The following KIF26B variants were observed in gnomAD, a reference collection of about 807,000 sequenced individuals.
KIF26B encodes kinesin family member 26B.
Under a neutral mutation model 151.2 loss-of-function variants are expected in KIF26B, and 63 were observed. That is an observed-to-expected ratio of 0.42 (90% CI 0.34 to 0.51). The LOEUF (loss-of-function observed/expected upper bound fraction) is 0.51, where lower values mean the gene tolerates loss of function less well. Ranked by LOEUF, KIF26B falls within the 20% of genes least tolerant of loss-of-function variation. KIF26B has a pLI of 0.07. For synonymous variants in KIF26B, 1,357 were observed against 1,262.1 expected (o/e 1.08, Z -1.59); for missense variants, 2,813 against 2,913.6 (o/e 0.97, Z 0.79).
intron 10 of KIF26B, among the ~76,000 whole-genome samples, chr1:245,672,630 C>T (rs1486937326): frequency 1.3e-5 from 2 of 152,130 alleles, no homozygotes; most frequent in African/African-American, 2.4e-5. Context: ...AATACAAATG[C>T]AACAGCTGCT....
At chr1:245,669,412 G>A (rs1558260874) in intron 10 of KIF26B, among the ~76,000 whole-genome samples, 3 of 152,154 alleles carry the variant, frequency 2.0e-5, no homozygotes, top group African/African-American at 7.2e-5. Flanking sequence ...TATAGAATGG[G>A]AGAAAATATT....
chr1:245,410,479 C>T (rs568182093), intron 3 of KIF26B, among the ~76,000 whole-genome samples: 89 of 152,280 alleles, frequency 5.8e-4, no homozygotes, highest in Non-Finnish European at 1.1e-3. Context: ...GACAGGGTCT[C>T]GCTCTGTCAC....
At chr1:245,285,979 C>G (rs1174249772) in intron 2 of KIF26B, among the ~76,000 whole-genome samples, 1 of 126,616 alleles carries the variant, frequency 7.9e-6, no homozygotes, top group African/African-American at 3.1e-5. Context: ...GCCTGGATGA[C>G]AGAGCAAGAC....
At chr1:245,511,041 A>G (rs1267556994) in intron 4 of KIF26B, 2 of 711,716 alleles carry the variant, frequency 2.8e-6, no homozygotes, top group African/African-American at 1.8e-5. Flanking sequence ...CATTTGAGAG[A>G]AGCTATTTAT....
At chr1:245,607,275 G>C (rs1035147192) in intron 6 of KIF26B, among the ~76,000 whole-genome samples, 9 of 152,108 alleles carry the variant, frequency 5.9e-5, no homozygotes, top group African/African-American at 2.2e-4. Context: ...TGTGTCAGCA[G>C]AGGGTGAGTG....
chr1:245,683,008 G>A (rs768217137), intron 10 of KIF26B, among the ~76,000 whole-genome samples: 1 of 152,148 alleles, frequency 6.6e-6, no homozygotes, highest in Non-Finnish European at 1.5e-5. Context: ...CATTGCTCTG[G>A]AAGTGAGCTT....
chr1:245,306,846 G>T (rs1363834022), intron 2 of KIF26B, among the ~76,000 whole-genome samples: 1 of 152,114 alleles, frequency 6.6e-6, no homozygotes, highest in African/African-American at 2.4e-5. Context: ...TTTAAGGCCG[G>T]GATGTCGGCT....
chr1:245,623,585 G>A (rs1326337525), intron 9 of KIF26B, among the ~76,000 whole-genome samples: 1 of 152,132 alleles, frequency 6.6e-6, no homozygotes. Context: ...AATCCGAGAT[G>A]CTCCAAATCT....
rs948165920 is a variant in KIF26B, at chr1:245,170,821, A to G, written c.465+14138A>G. Among the ~76,000 whole-genome samples the G allele has an allele frequency of 6.6e-6, 1 of 152,140 alleles. No individual in the cohort carries two copies. The highest frequency in any genetic ancestry group is 2.4e-5 in the African/African-American group (1 of 41,428). On this transcript the variant is annotated intron_variant, in intron 2 of 14. Coordinates refer to ENST00000407071, the MANE Select transcript of KIF26B (RefSeq NM_018012.4). This position sits in a 1 kb window ranked among gnomAD's most constrained non-coding sequence, Gnocchi z 4.4. ...TAGGTTTCAACATGATTTTGGGGAG[A>G]ACATAAGCGTTCAGTCTGTTGCAGC... is the stretch of plus-strand genomic sequence containing the variant.
At chr1:245,607,826 C>A in intron 7 of KIF26B, 82 bp downstream of exon 7, 13 of 1,092,600 alleles carry the variant, frequency 1.2e-5, no homozygotes, top group Non-Finnish European at 1.7e-5. Flanking sequence ...TCCCAGAGTT[C>A]TCTGATGACA....
At chr1:245,312,463 G>A (rs762101944) in intron 2 of KIF26B, among the ~76,000 whole-genome samples, 8 of 152,042 alleles carry the variant, frequency 5.3e-5, no homozygotes, top group Non-Finnish European at 1.0e-4. Context: ...GTGTGTATGC[G>A]AGAGGAGGGG....
chr1:245,243,744 G>A (rs903052151), intron 2 of KIF26B, among the ~76,000 whole-genome samples: 6 of 152,076 alleles, frequency 3.9e-5, no homozygotes, highest in East Asian at 1.9e-4. Flanking sequence ...CCAGTTACTC[G>A]GGAGGCTGAG....
Position 245,688,645 on chromosome 1 carries a change from C to G in KIF26B, c.5662C>G (p.Leu1888Val), listed in dbSNP as rs2044575421. Residue 1888 changes from leucine to valine, a missense_variant, in exon 12 of 15, where the codon CTG (leucine) becomes GTG (valine). Leu to Val is a conservative substitution (Grantham distance 32). Around this residue, in one of 3 missense-constraint regions of KIF26B, gnomAD observed 2,060 missense variants for 2,088.6 expected, o/e 0.99. Transcript: ENST00000407071. ...CCCGCCGGCCATGGGGAAGACGGCC[C>G]TGTTCTACCACAGCGGCGGCAGCAG... ...ELPPAMGKTALFYHSGGSSGY... is the reference protein window; with the variant it reads ...ELPPAMGKTAVFYHSGGSSGY... 1 of 1,603,568 alleles carries G rather than the reference C, an allele frequency of 6.2e-7. No homozygotes were observed. The highest frequency in any genetic ancestry group is 8.5e-7 in the Non-Finnish European group (1 of 1,176,500).
chr1:245,316,140 A>ATT lies in KIF26B; in HGVS notation c.466-50681_466-50680dup, dbSNP rs71299015. On this transcript the variant is annotated intron_variant, in intron 2 of 14. Transcript: ENST00000407071. ...ATGTTTTGGTTCTCTGGCTGCTTCT[A>ATT]TTTTTTTTTTTTTTAGATGGAGTTT... 3.7e-3 allele frequency among the ~76,000 whole-genome samples: 521 copies of ATT among 141,578 alleles called. 8 individuals are homozygous for ATT. The East Asian group carries it at 0.052, about 14-fold the overall frequency. 92.9% of individuals were successfully genotyped at this position (141,578 alleles called of 152,430 possible). A position where few individuals can be genotyped will look rare whatever the true frequency, so the allele number is the denominator to read the frequency against.
In KIF26B at chr1:245,572,861, G is replaced by A. The variant is rs541477512; in HGVS notation, c.1351-29716G>A. Reference sequence around the variant, plus strand: ...TGTCTTTGCGGGGAAATGGTCAGGCGTCCTCTGTTGGCAAGGGCACCTGTC... The same window carrying A: ...TGTCTTTGCGGGGAAATGGTCAGGCATCCTCTGTTGGCAAGGGCACCTGTC... On this transcript the variant is annotated intron_variant, in intron 5 of 14. Coordinates refer to ENST00000407071, the MANE Select transcript of KIF26B (RefSeq NM_018012.4). This position sits in a 1 kb window ranked among gnomAD's most constrained non-coding sequence, Gnocchi z 4.2. Among the ~76,000 whole-genome samples, 5 of 152,102 alleles carry A rather than the reference G, an allele frequency of 3.3e-5. No homozygotes were observed. Among genetic ancestry groups the A allele is most frequent in the East Asian group, 1.9e-4 (1 of 5,184 alleles).
intron 5 of KIF26B, among the ~76,000 whole-genome samples, chr1:245,555,971 G>A (rs1044511941): frequency 2.0e-5 from 3 of 151,504 alleles, no homozygotes; most frequent in African/African-American, 7.3e-5. Flanking sequence ...AGGGAGTGCA[G>A]TAGGGAGAGG....
At position 245,706,225 on chromosome 1, in the gene KIF26B, C is replaced by T. The variant is rs1047496030; in HGVS notation, c.*3619C>T. ...GTGGAGGTTCAAAAAGTCTTATACGCACCTACAAGTCTCACGCTTGCTGCT... is the reference window on the plus strand; with the variant it reads ...GTGGAGGTTCAAAAAGTCTTATACGTACCTACAAGTCTCACGCTTGCTGCT... On this transcript the variant is annotated 3_prime_UTR_variant, in exon 15 of 15. Coordinates refer to ENST00000407071, the MANE Select transcript of KIF26B (RefSeq NM_018012.4). 1 of 152,214 alleles carries T rather than the reference C, an allele frequency of 6.6e-6. No individual in the cohort carries two copies. Among genetic ancestry groups the T allele is most frequent in the Non-Finnish European group, 1.5e-5 (1 of 68,036 alleles). 9.4% of individuals were successfully genotyped at this position (152,214 alleles called of 1,614,324 possible).
chr1:245,555,501 C>G (rs1015626437), intron 5 of KIF26B, among the ~76,000 whole-genome samples: 1 of 152,124 alleles, frequency 6.6e-6, no homozygotes, highest in African/African-American at 2.4e-5. Context: ...CTCAAAACTT[C>G]CAGGAGGGAG....
At chr1:245,556,874 G>T (rs539553445) in intron 5 of KIF26B, among the ~76,000 whole-genome samples, 27 of 152,050 alleles carry the variant, frequency 1.8e-4, no homozygotes, top group Non-Finnish European at 3.1e-4. Context: ...TTTTGTTTCT[G>T]CCTTTCCCCA....
Sources: gnomAD v4.1 joint callset for allele counts (sites outside exome capture counted in the v4.1 genomes callset) on GRCh38, gnomAD v4.1.1 for gene constraint, gnomAD v4.1.1 regional missense constraint, Gnocchi (gnomAD v3.1) non-coding constraint, MANE v1.5 for transcripts, NCBI Gene and HGNC (gene_info 2026-07-23, HGNC 2026-07-21) for gene names.